SAMMSON: variants seen among roughly 807,000 people sequenced by gnomAD.
SAMMSON encodes long intergenic non-protein coding RNA 1212.
At chr3:70,430,101 G>C (rs1233491219) in intron 2 of SAMMSON, among the ~76,000 whole-genome samples, 1 of 152,100 alleles carries the variant, frequency 6.6e-6, no homozygotes, top group East Asian at 1.9e-4. Flanking sequence ...TTGGATGTGG[G>C]TTTATCATAA....
chr3:70,208,815 A>G (rs1260296360), intron 4 of SAMMSON, among the ~76,000 whole-genome samples: 1 of 152,094 alleles, frequency 6.6e-6, no homozygotes, highest in African/African-American at 2.4e-5. Context: ...CTGATCCTCC[A>G]AACAGCCTTG....
intron 4 of SAMMSON, among the ~76,000 whole-genome samples, chr3:70,233,594 A>G (rs1248462995): frequency 6.6e-6 from 1 of 152,236 alleles, no homozygotes; most frequent in Non-Finnish European, 1.5e-5. Context: ...CAAAACAACA[A>G]ACATTTCCAT....
chr3:70,118,207 C>G (rs2067419337), intron 4 of SAMMSON, among the ~76,000 whole-genome samples: 1 of 152,172 alleles, frequency 6.6e-6, no homozygotes, highest in Non-Finnish European at 1.5e-5. Context: ...CAGGCGTGAG[C>G]CACTGTGCCT....
At chr3:70,257,707 A>T (rs761610138) in intron 6 of SAMMSON, among the ~76,000 whole-genome samples, 4 of 152,174 alleles carry the variant, frequency 2.6e-5, no homozygotes, top group Non-Finnish European at 5.9e-5. Context: ...GCATCGGAAG[A>T]CTCAATACTG....
chr3:70,261,204 G>A (rs570144828), intron 6 of SAMMSON, among the ~76,000 whole-genome samples: 1 of 152,256 alleles, frequency 6.6e-6, no homozygotes, highest in South Asian at 2.1e-4. Flanking sequence ...ACATTTGGTG[G>A]TCAAAGCTTT....
chr3:70,327,400 G>T (rs2106720667), intron 7 of SAMMSON, among the ~76,000 whole-genome samples: 2 of 152,278 alleles, frequency 1.3e-5, no homozygotes, highest in Middle Eastern at 3.4e-3. Flanking sequence ...CCAGCTTGCT[G>T]CCCAGAGAGA....
chr3:70,098,894 A>G (rs749516097), intron 4 of SAMMSON, among the ~76,000 whole-genome samples: 1 of 152,104 alleles, frequency 6.6e-6, no homozygotes, highest in Non-Finnish European at 1.5e-5. Flanking sequence ...TACTATATCT[A>G]TGTGTGTCTT....
intron 7 of SAMMSON, among the ~76,000 whole-genome samples, chr3:70,345,891 A>C (rs1390827356): frequency 3.3e-5 from 5 of 152,190 alleles, no homozygotes; most frequent in Admixed American, 2.6e-4. Flanking sequence ...ACATTCATCT[A>C]TTCAAGAACA....
exon 10 of SAMMSON, chr3:70,389,701 T>G (rs1200442526): frequency 6.6e-6 from 1 of 152,106 alleles, no homozygotes; most frequent in Non-Finnish European, 1.5e-5. Flanking sequence ...TTCTGGATGC[T>G]AAGAGAAGAA....
intron 2 of SAMMSON, among the ~76,000 whole-genome samples, chr3:70,403,541 G>A (rs566153314): frequency 3.9e-5 from 6 of 152,246 alleles, no homozygotes; most frequent in South Asian, 2.1e-4. Context: ...CTCAATCTGC[G>A]TTGCGATCTT....
chr3:70,047,685 A>G (rs1576107976), intron 3 of SAMMSON, among the ~76,000 whole-genome samples: 1 of 152,088 alleles, frequency 6.6e-6, no homozygotes, highest in Non-Finnish European at 1.5e-5. Flanking sequence ...TTGTGATACT[A>G]TAGAAAAACA....
intron 4 of SAMMSON, among the ~76,000 whole-genome samples, chr3:70,179,749 T>C (rs1250524725): frequency 6.6e-6 from 1 of 152,136 alleles, no homozygotes; most frequent in Admixed American, 6.5e-5. Flanking sequence ...CCTCTGGACA[T>C]TGGAATATCC....
intron 9 of SAMMSON, among the ~76,000 whole-genome samples, chr3:70,363,946 C>CT (rs912509527): frequency 2.6e-5 from 4 of 151,602 alleles, no homozygotes; most frequent in African/African-American, 9.7e-5. Context: ...ATATTTCTAG[C>CT]TTTTTTGTCT....
At chr3:70,080,983 C>G (rs1039655085) in intron 4 of SAMMSON, among the ~76,000 whole-genome samples, 53 of 152,184 alleles carry the variant, frequency 3.5e-4, no homozygotes, top group African/African-American at 1.2e-3. Flanking sequence ...AAAGTTGTTT[C>G]TTTGAACGAC....
chr3:70,008,306 T>C (rs1194638118), intron 1 of SAMMSON, among the ~76,000 whole-genome samples: 1 of 152,198 alleles, frequency 6.6e-6, no homozygotes, highest in Admixed American at 6.5e-5. Flanking sequence ...TTTGTTTGTA[T>C]CCTCTTTTCT....
chr3:70,337,494 A>T (rs1392956742), intron 7 of SAMMSON, among the ~76,000 whole-genome samples: 1 of 151,906 alleles, frequency 6.6e-6, no homozygotes, highest in Non-Finnish European at 1.5e-5. Flanking sequence ...CAAGCAAAGA[A>T]TATGAATAAA....
chr3:70,107,430 T>C (rs182191905), intron 4 of SAMMSON, among the ~76,000 whole-genome samples: 7 of 152,116 alleles, frequency 4.6e-5, no homozygotes, highest in Admixed American at 4.6e-4. Flanking sequence ...GAAATGAAGA[T>C]TTCATGCAGG....
intron 3 of SAMMSON, among the ~76,000 whole-genome samples, chr3:70,038,562 A>G (rs940023263): frequency 4.5e-4 from 69 of 152,290 alleles, no homozygotes; most frequent in African/African-American, 1.5e-3. Flanking sequence ...GTATCTTAAC[A>G]TAATTTATAC....
In SAMMSON at chr3:70,022,403, C is replaced by G. The variant is rs190308245; in HGVS notation, n.417+8731C>G. Among the ~76,000 whole-genome samples, 685 of 132,688 alleles carry G rather than the reference C, an allele frequency of 5.2e-3. 8 individuals are homozygous for G. Among genetic ancestry groups the G allele is most frequent in the African/African-American group, 0.019 (641 of 33,092 alleles). The allele number at this position is 132,688 out of a possible 152,430, so 87.0% of individuals were successfully genotyped here. A position where few individuals can be genotyped will look rare whatever the true frequency, so the allele number is the denominator to read the frequency against. On this transcript the variant is annotated intron_variant and non_coding_transcript_variant, in intron 3 of 9. Transcript: ENST00000642114. ...CAAACTTACACATTGTGCACATGTA[C>G]CCTAAAACTTAAAGTATAATAACAA...
Sources: allele counts gnomAD v4.1 joint callset (sites outside exome capture counted in the v4.1 genomes callset), GRCh38; gene constraint gnomAD v4.1.1; transcripts MANE v1.5; gene names NCBI Gene and HGNC (gene_info 2026-07-23, HGNC 2026-07-21).